Variants in RGSL1 observed in about 807,000 individuals in gnomAD.
The protein encoded by RGSL1 is regulator of G protein signaling like 1, also known as regulator of G protein signaling protein-like.
Under a neutral mutation model 124.7 loss-of-function variants are expected in RGSL1, and 97 were observed. That is an observed-to-expected ratio of 0.78 (90% CI 0.66 to 0.92). The LOEUF (loss-of-function observed/expected upper bound fraction) is 0.92. Ranked by LOEUF, RGSL1 falls within the 40% of genes least tolerant of loss-of-function variation. The pLI is 0.00. For synonymous variants in RGSL1, 424 were observed against 438.1 expected (o/e 0.97, Z 0.40); for missense variants, 1,233 against 1,288.4 (o/e 0.96, Z 0.66).
At chr1:182,465,350 A>C (rs1653209206) in intron 4 of RGSL1, among the ~76,000 whole-genome samples, 1 of 152,004 alleles carries the variant, frequency 6.6e-6, no homozygotes, top group Admixed American at 6.6e-5. Context: ...ATTCTCAGCA[A>C]ACTATCTCAA....
At chr1:182,484,531 T>C (rs1654947168) in intron 6 of RGSL1, among the ~76,000 whole-genome samples, 1 of 152,192 alleles carries the variant, frequency 6.6e-6, no homozygotes, top group African/African-American at 2.4e-5. Flanking sequence ...AATGCATCAA[T>C]TTCCCAGGAA....
In RGSL1 at chr1:182,536,823, C is replaced by T. The variant is rs562691978; in HGVS notation, c.2495-3424C>T. Among the ~76,000 whole-genome samples, 49 of 152,194 alleles carry T rather than the reference C, an allele frequency of 3.2e-4. 1 individual carries two copies. The highest frequency in any genetic ancestry group is 8.3e-4 in the South Asian group (4 of 4,828). On this transcript the variant is annotated intron_variant, in intron 14 of 21. Coordinates refer to ENST00000294854, the MANE Select transcript of RGSL1 (RefSeq NM_001137669.2). ...CTTATTCACTATCATGAGAACAGCACGGGAAAGACCTGCCCCCATGATTCA... is the reference window on the plus strand; with the variant it reads ...CTTATTCACTATCATGAGAACAGCATGGGAAAGACCTGCCCCCATGATTCA...
intron 6 of RGSL1, among the ~76,000 whole-genome samples, chr1:182,484,166 G>A (rs1409873516): frequency 6.6e-6 from 1 of 152,110 alleles, no homozygotes; most frequent in African/African-American, 2.4e-5. Context: ...CTACAGGGAA[G>A]CAGGGTACTA....
At chr1:182,558,392 A>G (rs1260885092) in intron 21 of RGSL1, among the ~76,000 whole-genome samples, 2 of 152,200 alleles carry the variant, frequency 1.3e-5, no homozygotes, top group Admixed American at 1.3e-4. Context: ...TACCATAACA[A>G]GTTACCAGAA....
intron 10 of RGSL1, among the ~76,000 whole-genome samples, chr1:182,524,196 G>A (rs954693455): frequency 2.2e-4 from 34 of 152,192 alleles, no homozygotes; most frequent in African/African-American, 6.8e-4. Flanking sequence ...TTGATTAAAT[G>A]GCAATAAGGG....
rs147687523 is a variant in RGSL1 at position 182,543,363 on chromosome 1, G to A, written c.2669+2942G>A. The stretch of plus-strand genomic sequence containing the variant: ...TGATATATCATGTTTATTGATTTGC[G>A]TATGTTGAATCACCCTTGTATTCCT... On this transcript the variant is annotated intron_variant, in intron 15 of 21. Transcript: ENST00000294854. 5.2e-3 allele frequency among the ~76,000 whole-genome samples: 786 copies of A among 152,120 alleles called. 5 individuals carry two copies. The highest frequency in any genetic ancestry group is 0.018 in the African/African-American group (735 of 41,530).
intron 21 of RGSL1, among the ~76,000 whole-genome samples, chr1:182,558,970 C>T (rs1661016029): frequency 6.6e-6 from 1 of 152,176 alleles, no homozygotes; most frequent in Non-Finnish European, 1.5e-5. Context: ...CCTAGACCAC[C>T]TTCCTTAGAG....
chr1:182,467,939 C>T (rs1352959290), intron 4 of RGSL1, among the ~76,000 whole-genome samples: 2 of 152,166 alleles, frequency 1.3e-5, no homozygotes, highest in African/African-American at 4.8e-5. Context: ...CAAACAGCCC[C>T]ATCAACAAGT....
At chr1:182,552,793 G>T (rs901032440) in intron 18 of RGSL1, among the ~76,000 whole-genome samples, 2 of 152,226 alleles carry the variant, frequency 1.3e-5, no homozygotes, top group African/African-American at 4.8e-5. Flanking sequence ...AAGGGCAAGA[G>T]AGTGTGAGAG....
At chr1:182,483,851 G>A (rs942136362) in intron 6 of RGSL1, among the ~76,000 whole-genome samples, 10 of 152,044 alleles carry the variant, frequency 6.6e-5, no homozygotes, top group Non-Finnish European at 8.8e-5. Flanking sequence ...CCCGGGGTTC[G>A]GTTGTAACTG....
chr1:182,478,319 C>A (rs267904), intron 6 of RGSL1, among the ~76,000 whole-genome samples: 11,930 of 152,114 alleles, frequency 0.078, 644 homozygotes, highest in East Asian at 0.25. Flanking sequence ...ATCAGAAAAA[C>A]ATGCATCAAT....
intron 12 of RGSL1, among the ~76,000 whole-genome samples, 162 bp downstream of exon 12, chr1:182,530,523 T>A (rs543222712): frequency 2.3e-5 from 2 of 86,126 alleles, no homozygotes; most frequent in South Asian, 7.3e-4. Flanking sequence ...TACCTATCTA[T>A]CTGACACACA....
intron 15 of RGSL1, among the ~76,000 whole-genome samples, chr1:182,543,421 C>T (rs1660015617): frequency 2.0e-5 from 3 of 152,098 alleles, no homozygotes; most frequent in South Asian, 4.1e-4. Context: ...GGTGAATGAT[C>T]TTTTCAATGT....
chr1:182,511,770 T>C (rs1398016197), intron 9 of RGSL1, among the ~76,000 whole-genome samples: 1 of 152,216 alleles, frequency 6.6e-6, no homozygotes, highest in African/African-American at 2.4e-5. Flanking sequence ...ATTTAAAAAA[T>C]TTCTCTGAAG....
intron 9 of RGSL1, among the ~76,000 whole-genome samples, chr1:182,500,218 T>C (rs1166777134): frequency 6.6e-6 from 1 of 152,204 alleles, no homozygotes; most frequent in Non-Finnish European, 1.5e-5. Flanking sequence ...TTAACTTCAT[T>C]CTTTTGTGGT....
rs969494646 is a variant in RGSL1, at chr1:182,458,393, G to C, written c.171G>C (p.Leu57Phe). 6.4e-7 allele frequency: 1 copy of C among 1,550,740 alleles called. No homozygotes were observed. Among genetic ancestry groups the C allele is most frequent in the African/African-American group, 1.4e-5 (1 of 72,974 alleles). Residue 57 changes from leucine (L) to phenylalanine (F), a missense_variant and splice_region_variant, in exon 3 of 22, where the codon TTG (leucine) becomes TTC (phenylalanine). Transcript: ENST00000294854. ...TGTGGCCAGAAATACCTTGTAACTTGGTGAGTAAAATTCTTCAGAGGTAGA... is the reference window on the plus strand; with the variant it reads ...TGTGGCCAGAAATACCTTGTAACTTCGTGAGTAAAATTCTTCAGAGGTAGA... ...WSLWPEIPCN[L>F]IAKYKGLLTW...
intron 15 of RGSL1, among the ~76,000 whole-genome samples, chr1:182,541,684 G>T (rs146202970): frequency 4.6e-5 from 7 of 152,030 alleles, no homozygotes; most frequent in Non-Finnish European, 8.8e-5. Context: ...ACTAATTTAC[G>T]TTGCCACCAA....
In RGSL1 at chr1:182,468,605, T is replaced by G. The variant is rs541383692; in HGVS notation, c.302-3791T>G. Among the ~76,000 whole-genome samples, 8 of 152,110 alleles carry G rather than the reference T, an allele frequency of 5.3e-5. No homozygotes were observed. In the South Asian group the frequency reaches 1.7e-3, roughly 32 times the overall value. ...ACACAGGAAGGGGAACATCACACCC[T>G]GGGGCCTGTTGTAGGGTTGAGGGGG... On this transcript the variant is annotated intron_variant, in intron 4 of 21. Transcript: ENST00000294854.
At chr1:182,479,266 A>T (rs1654519096) in intron 6 of RGSL1, among the ~76,000 whole-genome samples, 2 of 152,194 alleles carry the variant, frequency 1.3e-5, no homozygotes, top group South Asian at 4.1e-4. Flanking sequence ...ACAAAGTTGT[A>T]AGAATAATTA....
Sources: gnomAD v4.1 joint callset for allele counts (sites outside exome capture counted in the v4.1 genomes callset) on GRCh38, gnomAD v4.1.1 for gene constraint, MANE v1.5 for transcripts, NCBI Gene and HGNC (gene_info 2026-07-23, HGNC 2026-07-21) for gene names.